Variants in KCNN3 observed in about 807,000 individuals in gnomAD.
KCNN3 encodes small conductance calcium-activated potassium channel protein 3.
Under a neutral mutation model 62.9 loss-of-function variants are expected in KCNN3, and 16 were observed. The observed-to-expected ratio is 0.25, with a 90% CI of 0.17 to 0.39. The LOEUF is 0.39. KCNN3 is among the 10% of genes least tolerant of loss of function. KCNN3 has a pLI of 1.00. For missense variants in KCNN3, 599 were observed against 949.4 expected (o/e 0.63, Z 4.85); for synonymous variants, 370 against 389.2 (o/e 0.95, Z 0.58).
chr1:154,848,779 GA>G (rs1253221816), intron 1 of KCNN3, among the ~76,000 whole-genome samples: 2 of 152,116 alleles, frequency 1.3e-5, no homozygotes, highest in Non-Finnish European at 2.9e-5. Flanking sequence ...CTTCTTCTAA[GA>G]AGCCTCCAAA....
At chr1:154,771,044 G>A (rs942014179) in intron 3 of KCNN3, among the ~76,000 whole-genome samples, 11 of 150,766 alleles carry the variant, frequency 7.3e-5, no homozygotes, top group African/African-American at 1.7e-4. Context: ...GCGAGAGAGC[G>A]AGACTCCATC....
chr1:154,739,168 A>T (rs537734093), intron 3 of KCNN3, among the ~76,000 whole-genome samples: 1 of 152,368 alleles, frequency 6.6e-6, no homozygotes, highest in South Asian at 2.1e-4. Flanking sequence ...AAATGGGAAG[A>T]GCTGGTGGAA....
At chr1:154,844,236 G>A (rs909115972) in intron 1 of KCNN3, among the ~76,000 whole-genome samples, 4 of 152,208 alleles carry the variant, frequency 2.6e-5, no homozygotes, top group East Asian at 1.9e-4. Context: ...ATTAGTACGC[G>A]TTCTTGTCAG....
At chr1:154,868,710 C>T (rs1653046237) in intron 1 of KCNN3, among the ~76,000 whole-genome samples, 2 of 151,998 alleles carry the variant, frequency 1.3e-5, no homozygotes, top group Non-Finnish European at 2.9e-5. Flanking sequence ...ATTGAATCCT[C>T]CCTAACAGAG....
intron 1 of KCNN3, among the ~76,000 whole-genome samples, chr1:154,827,188 T>C (rs1399436992): frequency 1.3e-5 from 2 of 152,252 alleles, no homozygotes; most frequent in South Asian, 2.1e-4. Flanking sequence ...TTCAATTTCA[T>C]GGAGAGGCTC....
At chr1:154,831,516 C>CTG (rs1028552685) in intron 1 of KCNN3, among the ~76,000 whole-genome samples, 1 of 152,202 alleles carries the variant, frequency 6.6e-6, no homozygotes, top group Non-Finnish European at 1.5e-5. Context: ...ATGAGAATTG[C>CTG]TGTTCTGGGG....
chr1:154,843,760 A>G (rs1207933267), intron 1 of KCNN3, among the ~76,000 whole-genome samples: 1 of 152,216 alleles, frequency 6.6e-6, no homozygotes, highest in Non-Finnish European at 1.5e-5. Context: ...AGAACCCAAG[A>G]AAAAGGCACT....
chr1:154,787,166 C>G (rs1649316691), intron 2 of KCNN3, among the ~76,000 whole-genome samples: 1 of 152,258 alleles, frequency 6.6e-6, no homozygotes. Flanking sequence ...GCCACCTCTC[C>G]ATGTGAATTC....
intron 3 of KCNN3, among the ~76,000 whole-genome samples, chr1:154,743,843 G>A (rs1700880277): frequency 1.3e-5 from 2 of 152,178 alleles, no homozygotes; most frequent in Non-Finnish European, 2.9e-5. Flanking sequence ...GGTTAGGTAC[G>A]TTCAGTGCAT....
intron 3 of KCNN3, among the ~76,000 whole-genome samples, chr1:154,770,317 G>A (rs756250195): frequency 1.3e-5 from 2 of 152,222 alleles, no homozygotes; most frequent in Non-Finnish European, 2.9e-5. Flanking sequence ...TGCCCTCTCA[G>A]TTTGACCGTG....
intron 3 of KCNN3, among the ~76,000 whole-genome samples, chr1:154,754,572 A>T (rs1382280990): frequency 6.6e-6 from 1 of 152,224 alleles, no homozygotes; most frequent in African/African-American, 2.4e-5. Flanking sequence ...AACAAGAAAG[A>T]AACAACCTTA....
intron 4 of KCNN3, among the ~76,000 whole-genome samples, chr1:154,731,602 T>G (rs1700595058): frequency 6.6e-6 from 1 of 152,180 alleles, no homozygotes. Context: ...CCTGCGGCCC[T>G]CCCTTTGCAC....
chr1:154,765,632 T>C (rs925976240), intron 3 of KCNN3, among the ~76,000 whole-genome samples: 1 of 148,542 alleles, frequency 6.7e-6, no homozygotes, highest in African/African-American at 2.5e-5. Context: ...TTTTTCCTTT[T>C]TTTTTTTTTT....
In KCNN3 at chr1:154,816,706, AT is replaced by A. The variant is rs1255838637; in HGVS notation, c.1029+5382del. ...GGCATCAACACCCCTCACCTGGCCC[AT>A]GATGACGTGCTTCCCACTGTCCTCC... On this transcript the variant is annotated intron_variant, in intron 2 of 7. Transcript: ENST00000271915. Among the ~76,000 whole-genome samples the A allele has an allele frequency of 2.0e-5, 3 of 152,260 alleles. No homozygotes were observed. In the East Asian group the frequency reaches 5.8e-4, roughly 29 times the overall value.
At chr1:154,749,969 T>A (rs1373735928) in intron 3 of KCNN3, among the ~76,000 whole-genome samples, 4 of 152,172 alleles carry the variant, frequency 2.6e-5, no homozygotes, top group Admixed American at 6.5e-5. Context: ...ATTTCCCTGC[T>A]TTCTGGGAGT....
At position 154,706,189 on chromosome 1, in the gene KCNN3, A is replaced by G. The variant is rs992035682; in HGVS notation, c.*1787T>C. The G allele has an allele frequency of 3.9e-5, 6 of 152,378 alleles. No individual in the cohort carries two copies. The highest frequency in any genetic ancestry group is 2.1e-4 in the South Asian group (1 of 4,828). 9.4% of individuals were successfully genotyped at this position (152,378 alleles called of 1,614,324 possible). ...GTTAGCAAGAGACTAGATCTTCCTGAAAAAGTGGCCTTGGCTCTACAATTG... is the reference window on the plus strand; with the variant it reads ...GTTAGCAAGAGACTAGATCTTCCTGGAAAAGTGGCCTTGGCTCTACAATTG... On this transcript the variant is annotated 3_prime_UTR_variant, in exon 8 of 8. Transcript: ENST00000271915.
intron 2 of KCNN3, among the ~76,000 whole-genome samples, chr1:154,788,829 C>T (rs1007344800): frequency 6.6e-6 from 1 of 152,178 alleles, no homozygotes; most frequent in African/African-American, 2.4e-5. Flanking sequence ...AGCTTCTTTA[C>T]TCCTCATAGC....
At chr1:154,797,565 G>T (rs990638829) in intron 2 of KCNN3, among the ~76,000 whole-genome samples, 3 of 152,120 alleles carry the variant, frequency 2.0e-5, no homozygotes, top group African/African-American at 7.2e-5. Context: ...AATTTACACG[G>T]ACTTATTTGA....
At chr1:154,724,943 G>A (rs193129512) in intron 5 of KCNN3, among the ~76,000 whole-genome samples, 33 of 150,624 alleles carry the variant, frequency 2.2e-4, no homozygotes, top group Admixed American at 1.5e-3. Context: ...TGCAACCTCC[G>A]CTTCCTGGGT....
Sources: allele counts gnomAD v4.1 joint callset (sites outside exome capture counted in the v4.1 genomes callset), GRCh38; gene constraint gnomAD v4.1.1; transcripts MANE v1.5; gene names NCBI Gene and HGNC (gene_info 2026-07-23, HGNC 2026-07-21).